The following PLXNA4 variants were observed in gnomAD, a reference collection of about 807,000 sequenced individuals.
PLXNA4 encodes plexin-A4.
A neutral mutation model predicts 191.8 loss-of-function variants in PLXNA4; 44 were observed. The ratio of observed to expected loss-of-function variants is 0.23; its 90% confidence interval spans 0.18 to 0.29. The LOEUF is 0.29. Ranked by LOEUF, PLXNA4 falls within the 10% of genes least tolerant of loss-of-function variation. PLXNA4 has a pLI of 1.00. For synonymous variants in PLXNA4, 1,082 were observed against 1,009.5 expected (o/e 1.07, Z -1.36); for missense variants, 1,800 against 2,488.8 (o/e 0.72, Z 5.89).
chr7:132,396,200 A>G (rs752501745), intron 3 of PLXNA4, among the ~76,000 whole-genome samples: 20 of 152,222 alleles, frequency 1.3e-4, no homozygotes, highest in Non-Finnish European at 1.6e-4. Flanking sequence ...GACTCAGTAC[A>G]GATACTGAAG....
At chr7:132,158,171 T>C (rs1324006501) in intron 25 of PLXNA4, among the ~76,000 whole-genome samples, 1 of 151,948 alleles carries the variant, frequency 6.6e-6, no homozygotes, top group Non-Finnish European at 1.5e-5. Context: ...AGAGAGGAAA[T>C]GGGGTTAAAT....
At chr7:132,249,719 G>A (rs1303264697) in intron 4 of PLXNA4, among the ~76,000 whole-genome samples, 1 of 152,228 alleles carries the variant, frequency 6.6e-6, no homozygotes, top group Non-Finnish European at 1.5e-5. Context: ...GCTGGAGCCT[G>A]CCCTCGGGCC....
At chr7:132,400,753 G>T (rs1793951646) in intron 3 of PLXNA4, among the ~76,000 whole-genome samples, 1 of 152,278 alleles carries the variant, frequency 6.6e-6, no homozygotes, top group Admixed American at 6.5e-5. Context: ...CAAGTCCCTA[G>T]ATGTCCTCCT....
chr7:132,211,328 C>T (rs867231633), intron 9 of PLXNA4, among the ~76,000 whole-genome samples, 185 bp from the exon 10 acceptor site: 11 of 152,332 alleles, frequency 7.2e-5, no homozygotes, highest in Middle Eastern at 3.4e-3. Context: ...CTGAGGAATC[C>T]GAAGTCCTAG....
intron 1 of PLXNA4, among the ~76,000 whole-genome samples, chr7:132,528,769 C>T (rs2116419702): frequency 6.6e-6 from 1 of 152,304 alleles, no homozygotes; most frequent in Admixed American, 6.5e-5. Flanking sequence ...AGGGAAGTGC[C>T]AGGAGTAGGA....
rs533440270 is a variant in PLXNA4 at position 132,156,854 on chromosome 7, T to C, written c.4660+2619A>G. On this transcript the variant is annotated intron_variant, in intron 25 of 31. Transcript: ENST00000321063. ...TGAGGAGGCCCCATTTTTCTTGCGA[T>C]GCAATCTAGCTTTGGTAAGAAGAAG... Among the ~76,000 whole-genome samples the C allele has an allele frequency of 2.1e-4, 32 of 152,332 alleles. 1 individual carries two copies. The South Asian group carries it at 6.4e-3, about 31-fold the overall frequency.
At chr7:132,156,824 G>T (rs1473589028) in intron 25 of PLXNA4, among the ~76,000 whole-genome samples, 1 of 152,188 alleles carries the variant, frequency 6.6e-6, no homozygotes, top group African/African-American at 2.4e-5. Context: ...AAGCATTTGG[G>T]TCTCTGAGGA....
At chr7:132,531,007 C>A (rs375234850) in intron 1 of PLXNA4, among the ~76,000 whole-genome samples, 2 of 152,202 alleles carry the variant, frequency 1.3e-5, no homozygotes, top group African/African-American at 4.8e-5. Context: ...ATCTACTTAT[C>A]TGAATCTCAA....
chr7:132,571,284 G>A (rs1243713501), intron 1 of PLXNA4, among the ~76,000 whole-genome samples: 6 of 152,130 alleles, frequency 3.9e-5, no homozygotes, highest in African/African-American at 1.4e-4. Context: ...CCTTGCCTTA[G>A]CCTGCACCAT....
intron 4 of PLXNA4, among the ~76,000 whole-genome samples, chr7:132,295,515 C>T (rs896432938): frequency 4.6e-5 from 7 of 152,158 alleles, no homozygotes; most frequent in Non-Finnish European, 1.0e-4. Context: ...AGACCCACCA[C>T]CTGAAGGAGG....
rs140580927 is a variant in PLXNA4, at chr7:132,540,231, G to A, written c.-86-31452C>T. Among the ~76,000 whole-genome samples, 784 of 152,212 alleles carry A rather than the reference G, an allele frequency of 5.2e-3. 3 individuals are homozygous for A. Among genetic ancestry groups the A allele is most frequent in the Middle Eastern group, 0.044 (13 of 294 alleles). On this transcript the variant is annotated intron_variant, in intron 1 of 31. Transcript: ENST00000321063. ...CAGCATGTCTCTGCCTAGAGAATACGCTAAACAATCACAACAATTGCTGTG... is the reference window on the plus strand; with the variant it reads ...CAGCATGTCTCTGCCTAGAGAATACACTAAACAATCACAACAATTGCTGTG...
At chr7:132,474,399 CCT>C (rs1317225744) in intron 3 of PLXNA4, among the ~76,000 whole-genome samples, 1 of 152,144 alleles carries the variant, frequency 6.6e-6, no homozygotes, top group Non-Finnish European at 1.5e-5. Flanking sequence ...AATCAAAGCC[CCT>C]GTTTCCAGCC....
At chr7:132,480,587 A>G (rs1449026502) in intron 3 of PLXNA4, among the ~76,000 whole-genome samples, 4 of 151,884 alleles carry the variant, frequency 2.6e-5, no homozygotes, top group African/African-American at 9.7e-5. Context: ...CACAGGAAAA[A>G]TCACCCAGAA....
At chr7:132,486,200 C>A (rs1354566438) in intron 3 of PLXNA4, among the ~76,000 whole-genome samples, 1 of 152,190 alleles carries the variant, frequency 6.6e-6, no homozygotes, top group Non-Finnish European at 1.5e-5. Flanking sequence ...GCCCTGGCCT[C>A]AGTCACTTGC....
chr7:132,155,267 C>G (rs1795758435), intron 25 of PLXNA4, among the ~76,000 whole-genome samples: 1 of 152,110 alleles, frequency 6.6e-6, no homozygotes, highest in African/African-American at 2.4e-5. Flanking sequence ...TCTCCACCTC[C>G]CTGCTGTGTA....
chr7:132,591,259 G>A (rs149759572), intron 2 of PLXNA4, among the ~76,000 whole-genome samples: 13 of 152,190 alleles, frequency 8.5e-5, no homozygotes, highest in East Asian at 1.9e-4. Context: ...GAAGAAAAGC[G>A]AATGCACTGT....
chr7:132,289,346 T>C (rs141949948), intron 4 of PLXNA4, among the ~76,000 whole-genome samples: 89 of 152,202 alleles, frequency 5.8e-4, no homozygotes, highest in African/African-American at 2.1e-3. Flanking sequence ...TTTTCTGGAG[T>C]GTTTATCACC....
chr7:132,395,624 G>T (rs1793726314), intron 3 of PLXNA4, among the ~76,000 whole-genome samples: 1 of 152,238 alleles, frequency 6.6e-6, no homozygotes, highest in South Asian at 2.1e-4. Flanking sequence ...GTTAAACCCT[G>T]GCACCCATGC....
chr7:132,457,908 C>T (rs1236463305), intron 3 of PLXNA4, among the ~76,000 whole-genome samples: 2 of 152,216 alleles, frequency 1.3e-5, no homozygotes, highest in African/African-American at 2.4e-5. Flanking sequence ...CTGGAGGCTC[C>T]AGCAGGAATG....
Sources: allele counts gnomAD v4.1 joint callset (sites outside exome capture counted in the v4.1 genomes callset), GRCh38; gene constraint gnomAD v4.1.1; transcripts MANE v1.5; gene names NCBI Gene and HGNC (gene_info 2026-07-23, HGNC 2026-07-21).